The following BRCA2 variants were observed in gnomAD, a reference collection of about 807,000 sequenced individuals.
BRCA2 encodes the protein breast cancer type 2 susceptibility protein.
Under a neutral mutation model 276.7 loss-of-function variants are expected in BRCA2, and 203 were observed. That is an observed-to-expected ratio of 0.73 (90% confidence interval 0.65 to 0.82). The LOEUF (loss-of-function observed/expected upper bound fraction) is 0.82. Among genes scored for constraint, BRCA2 ranks in the 40% least tolerant of loss-of-function variants. The pLI, the probability that BRCA2 is intolerant of heterozygous loss-of-function variation, is 0.00. For synonymous variants in BRCA2, 1,289 were observed against 1,338.4 expected (o/e 0.96, Z 0.81); for missense variants, 3,920 against 3,915.0 (o/e 1.00, Z -0.03).
chr13:32,357,984 TTCTTC>T (rs2072712917), intron 16 of BRCA2, 55 bp downstream of exon 16: 2 of 1,572,750 alleles, frequency 1.3e-6, no homozygotes, highest in Non-Finnish European at 1.7e-6. Flanking sequence ...TCATCCCTCT[TTCTTC>T]TCTTAACTGT....
chr13:32,325,290 C>T (rs536613600), intron 4 of BRCA2, 106 bp downstream of exon 4: 1 of 836,744 alleles, frequency 1.2e-6, no homozygotes, highest in Non-Finnish European at 1.9e-6. Flanking sequence ...TGGCTAAGAG[C>T]CTGGTAGAAG....
chr13:32,377,827 T>G (rs1346764361), intron 21 of BRCA2, among the ~76,000 whole-genome samples: 3 of 152,194 alleles, frequency 2.0e-5, no homozygotes, highest in Non-Finnish European at 4.4e-5. Flanking sequence ...TGTTTTTAAT[T>G]GATTAATTTC....
At chr13:32,364,405 G>A (rs564567225) in intron 18 of BRCA2, among the ~76,000 whole-genome samples, 1 of 152,204 alleles carries the variant, frequency 6.6e-6, no homozygotes, top group African/African-American at 2.4e-5. Context: ...TTGTACTGCT[G>A]TCTTCTTTCT....
intron 16 of BRCA2, among the ~76,000 whole-genome samples, chr13:32,359,830 A>G (rs768255189): frequency 6.6e-6 from 1 of 152,194 alleles, no homozygotes; most frequent in African/African-American, 2.4e-5. Context: ...GTTTTTTCTG[A>G]TAATTCAGCA....
intron 11 of BRCA2, 99 bp from the exon 12 acceptor site, chr13:32,344,459 G>T (rs2137536254): frequency 1.4e-6 from 1 of 721,206 alleles, no homozygotes; most frequent in Non-Finnish European, 2.3e-6. Flanking sequence ...AACATTTAAA[G>T]AGTCAATACT....
chr13:32,340,325 T>C lies in BRCA2; in HGVS notation c.5970T>C (p.Asp1990=), dbSNP rs1064794160. 6.2e-7 allele frequency: 1 copy of C among 1,614,070 alleles called. No individual in the cohort carries two copies. Among genetic ancestry groups the C allele is most frequent in the Non-Finnish European group, 8.5e-7 (1 of 1,179,954 alleles). ...GTGGAAAATCTGTCCAGGTATCAGA[T>C]GCTTCATTACAAAACGCAAGACAAG... The part of the protein sequence containing the change: ...TASGKSVQVS[D]ASLQNARQVF... The change falls in exon 11 of 27, where the codon GAT becomes GAC. Residue 1990 remains aspartate (D), a synonymous_variant. Transcript: ENST00000380152.
chr13:32,348,643 T>A (rs1466138512), intron 13 of BRCA2, among the ~76,000 whole-genome samples: 1 of 152,092 alleles, frequency 6.6e-6, no homozygotes, highest in Non-Finnish European at 1.5e-5. Flanking sequence ...TACTAAAAGA[T>A]CTCTTGTGCG....
intron 13 of BRCA2, among the ~76,000 whole-genome samples, chr13:32,348,673 C>G (rs958818840): frequency 2.0e-5 from 3 of 151,754 alleles, no homozygotes; most frequent in African/African-American, 4.8e-5. Flanking sequence ...GGAAACTAAC[C>G]AAAACAAATG....
At chr13:32,346,362 C>CT (rs2072610775) in intron 12 of BRCA2, among the ~76,000 whole-genome samples, 1 of 151,922 alleles carries the variant, frequency 6.6e-6, no homozygotes, top group Non-Finnish European at 1.5e-5. Flanking sequence ...CGTCCTCATT[C>CT]TTTTTTGTGG....
chr13:32,393,071 A>T (rs947258371), intron 24 of BRCA2, among the ~76,000 whole-genome samples: 5 of 152,230 alleles, frequency 3.3e-5, no homozygotes, highest in Non-Finnish European at 7.3e-5. Flanking sequence ...TGAAGTGATG[A>T]TGTGTCTTTC....
At chr13:32,380,870 G>A (rs1405174968) in intron 24 of BRCA2, among the ~76,000 whole-genome samples, 2 of 152,054 alleles carry the variant, frequency 1.3e-5, no homozygotes, top group Non-Finnish European at 2.9e-5. Context: ...TTGAATATAT[G>A]GTCTTACTAA....
intron 25 of BRCA2, 34 bp downstream of exon 25, chr13:32,394,967 G>A (rs750991234): frequency 2.5e-5 from 41 of 1,612,478 alleles, no homozygotes; most frequent in Non-Finnish European, 3.5e-5. Context: ...CACACATTTT[G>A]GTATTTTTCT....
intron 3 of BRCA2, among the ~76,000 whole-genome samples, chr13:32,320,308 T>C (rs2072298255): frequency 6.6e-6 from 1 of 152,220 alleles, no homozygotes; most frequent in African/African-American, 2.4e-5. Flanking sequence ...TTTGTCCTTA[T>C]AGCAAAATCT....
chr13:32,362,080 T>C (rs2137575333), intron 16 of BRCA2, among the ~76,000 whole-genome samples: 1 of 152,284 alleles, frequency 6.6e-6, no homozygotes, highest in South Asian at 2.1e-4. Flanking sequence ...TGGAGTGCAG[T>C]GGCACTATCA....
In BRCA2 at chr13:32,326,164, C is replaced by T. The variant is rs55698822; in HGVS notation, c.475+14C>T. ...GAGATAAGTCAGGTATGATTAAAAA[C>T]AATGCTTTTTATTCTTAGAATACTA... On this transcript the variant is annotated intron_variant, in intron 5 of 26. Transcript: ENST00000380152. The T allele has an allele frequency of 3.7e-6, 6 of 1,608,010 alleles. No homozygotes were observed. In the East Asian group the frequency reaches 1.3e-4, roughly 36 times the overall value.
chr13:32,376,915 T>C (rs1234319254), intron 21 of BRCA2, 124 bp downstream of exon 21: 1 of 1,394,764 alleles, frequency 7.2e-7, no homozygotes. Context: ...AAGGGATGTG[T>C]ACATTTCTGG....
At chr13:32,390,177 T>A (rs2072987197) in intron 24 of BRCA2, among the ~76,000 whole-genome samples, 1 of 152,190 alleles carries the variant, frequency 6.6e-6, no homozygotes, top group Non-Finnish European at 1.5e-5. Context: ...TCATGATGCC[T>A]CCCAGCTTAA....
rs1216313735 is a variant in BRCA2, at chr13:32,340,906, A to G, written c.6551A>G (p.Gln2184Arg). ...AACATTCATGTTTTGGGAAAAGAACAGGCTTCACCTAAAAACGTAAAAATG... is the reference window on the plus strand; with the variant it reads ...AACATTCATGTTTTGGGAAAAGAACGGGCTTCACCTAAAAACGTAAAAATG... ...VENIHVLGKEQASPKNVKMEI... is the reference protein window; with the variant it reads ...VENIHVLGKERASPKNVKMEI... The change falls in exon 11 of 27, where the codon CAG (glutamine) becomes CGG (arginine). Residue 2184 changes from glutamine to arginine, a missense_variant. This residue lies in a region of BRCA2 where 3,263 missense variants were observed against 3,156.9 expected (regional missense o/e 1.03). Coordinates refer to ENST00000380152, the MANE Select transcript of BRCA2 (RefSeq NM_000059.4). The G allele has an allele frequency of 1.9e-6, 3 of 1,609,108 alleles. No individual in the cohort carries two copies. Among genetic ancestry groups the G allele is most frequent in the Non-Finnish European group, 2.5e-6 (3 of 1,178,808 alleles).
intron 18 of BRCA2, among the ~76,000 whole-genome samples, chr13:32,367,990 T>C (rs2072796282): frequency 1.4e-5 from 2 of 144,876 alleles, no homozygotes; most frequent in Non-Finnish European, 3.0e-5. Context: ...GGGTTGTCTT[T>C]TCTTCTAATT....
Sources: gnomAD v4.1 joint callset for allele counts (sites outside exome capture counted in the v4.1 genomes callset) on GRCh38, gnomAD v4.1.1 for gene constraint, gnomAD v4.1.1 regional missense constraint, MANE v1.5 for transcripts, NCBI Gene and HGNC (gene_info 2026-07-23, HGNC 2026-07-21) for gene names.